The following PDXDC1 variants were observed in gnomAD, a reference collection of about 807,000 sequenced individuals.
The protein encoded by PDXDC1 is pyridoxal dependent decarboxylase domain containing 1.
Under a neutral mutation model 100.1 loss-of-function variants are expected in PDXDC1, and 42 were observed. That is an observed-to-expected ratio of 0.42 (90% confidence interval 0.33 to 0.54). The LOEUF is 0.54. PDXDC1 is among the 20% of genes least tolerant of loss of function. The pLI, the probability that PDXDC1 is intolerant of heterozygous loss-of-function variation, is 0.10. For synonymous variants in PDXDC1, 260 were observed against 371.7 expected, an observed-to-expected ratio of 0.70 and a Z score of 3.46; for missense variants, 636 against 979.2, an observed-to-expected ratio of 0.65 and a Z score of 4.68.
downstream of PDXDC1, among the ~76,000 whole-genome samples, chr16:15,143,667 G>C (rs2048509006): frequency 6.6e-6 from 1 of 152,216 alleles, no homozygotes; most frequent in Non-Finnish European, 1.5e-5. Flanking sequence ...TCCTGGGCCG[G>C]GGGAGCCGGG....
chr16:15,040,063 A>G, downstream of PDXDC1: 1 of 1,587,628 alleles, frequency 6.3e-7, no homozygotes, highest in Non-Finnish European at 8.6e-7. Flanking sequence ...CTTAATGTTG[A>G]CAGCTGTGAG....
At chr16:15,124,179 G>A (rs1239940423) in intron 16 of PDXDC1, among the ~76,000 whole-genome samples, 2 of 152,136 alleles carry the variant, frequency 1.3e-5, no homozygotes, top group African/African-American at 4.8e-5. Flanking sequence ...TGTGATGGGT[G>A]GGGAGCTCCA....
In PDXDC1 at chr16:15,136,135, G is replaced by A. The variant is rs1405834325; in HGVS notation, c.1400-2744G>A. ...GCCGATCCACACGTCTAGGCTCCTGGGGGCGGGTGTGGGATGCCAGGGGGC... is the reference window on the plus strand; with the variant it reads ...GCCGATCCACACGTCTAGGCTCCTGAGGGCGGGTGTGGGATGCCAGGGGGC... On this transcript the variant is annotated intron_variant, in intron 16 of 16. Transcript: ENST00000535621. 5 of 1,489,514 alleles carry A rather than the reference G, an allele frequency of 3.4e-6. No individual in the cohort carries two copies. The African/African-American group carries it at 4.1e-5, about 12-fold the overall frequency. 92.3% of individuals were successfully genotyped at this position (1,489,514 alleles called of 1,614,324 possible). A position where few individuals can be genotyped will look rare whatever the true frequency, so the allele number is the denominator to read the frequency against.
At chr16:15,135,883 G>T (rs570158264) in intron 16 of PDXDC1, 1 of 1,571,638 alleles carries the variant, frequency 6.4e-7, no homozygotes, top group Non-Finnish European at 8.7e-7. Context: ...CAAAGCAGTA[G>T]TGCCCCACAG....
chr16:15,025,427 C>CCCG (rs1331039091), intron 13 of PDXDC1: 2 of 152,664 alleles, frequency 1.3e-5, no homozygotes, highest in African/African-American at 4.8e-5. Flanking sequence ...CCCCCTGCCG[C>CCCG]CCGCCGCCGT....
the PDXDC1 span, among the ~76,000 whole-genome samples, chr16:15,149,972 G>A: frequency 3.3e-5 from 5 of 152,096 alleles, no homozygotes; most frequent in African/African-American, 9.7e-5. Flanking sequence ...AAGACACAGC[G>A]AGAAATCCAG....
downstream of PDXDC1, among the ~76,000 whole-genome samples, chr16:15,039,791 CATTACTATTTT>C (rs2043726415): frequency 6.6e-6 from 1 of 152,140 alleles, no homozygotes; most frequent in Non-Finnish European, 1.5e-5. Flanking sequence ...TAAAGATGTT[CATTACTATTTT>C]GAGACAGCAA....
intron 16 of PDXDC1, chr16:15,079,938 T>C: frequency 2.0e-6 from 3 of 1,481,912 alleles, no homozygotes; most frequent in East Asian, 2.4e-5. Context: ...TTCCACATAC[T>C]GTGATTATAA....
intron 16 of PDXDC1, among the ~76,000 whole-genome samples, chr16:15,030,897 C>T (rs1041229050): frequency 1.3e-5 from 2 of 152,036 alleles, no homozygotes; most frequent in African/African-American, 4.8e-5. Flanking sequence ...TTACACACAA[C>T]CAGTGGCCGC....
chr16:15,078,566 G>C (rs538131829), intron 16 of PDXDC1, among the ~76,000 whole-genome samples: 1 of 152,250 alleles, frequency 6.6e-6, no homozygotes, highest in South Asian at 2.1e-4. Flanking sequence ...AGCAGTATCT[G>C]ATGCTGCTGA....
intron 16 of PDXDC1, chr16:15,128,079 G>A (rs1488393616): frequency 1.2e-6 from 2 of 1,609,156 alleles, no homozygotes; most frequent in Non-Finnish European, 1.7e-6. Context: ...AAGGTGCTGT[G>A]TGCCGTCTGC....
intron 16 of PDXDC1, chr16:15,070,326 T>A: frequency 1.3e-6 from 2 of 1,526,842 alleles, no homozygotes; most frequent in Non-Finnish European, 1.8e-6. Context: ...AACACACAAC[T>A]GCCTTTCATT....
chr16:15,042,098 C>T (rs559598315), downstream of PDXDC1, among the ~76,000 whole-genome samples: 73 of 152,136 alleles, frequency 4.8e-4, no homozygotes, highest in African/African-American at 1.7e-3. Context: ...TTTTAATGTC[C>T]ATAATCCTAA....
chr16:15,135,210 C>G (rs188033734), intron 16 of PDXDC1: 1 of 787,108 alleles, frequency 1.3e-6, no homozygotes, highest in Admixed American at 2.3e-5. Flanking sequence ...CACTAAAACA[C>G]GGAAAACAGT....
At chr16:15,060,865 A>C (rs1380207038) in intron 16 of PDXDC1, 2 of 152,254 alleles carry the variant, frequency 1.3e-5, no homozygotes, top group African/African-American at 2.4e-5. Context: ...TAAGTGATGC[A>C]GATCAAAACT....
chr16:15,009,249 G>T, intron 7 of PDXDC1: 1 of 348,566 alleles, frequency 2.9e-6, no homozygotes, highest in Admixed American at 4.6e-5. Flanking sequence ...AGACATGCAG[G>T]TGATAAATCT....
At chr16:15,091,637 G>A (rs756997771) in intron 16 of PDXDC1, among the ~76,000 whole-genome samples, 3 of 151,908 alleles carry the variant, frequency 2.0e-5, no homozygotes, top group Non-Finnish European at 2.9e-5. Flanking sequence ...ATACTCCTGC[G>A]AATTCTCAAA....
chr16:15,065,828 A>AGG, intron 16 of PDXDC1, among the ~76,000 whole-genome samples: 1 of 152,336 alleles, frequency 6.6e-6, no homozygotes, highest in South Asian at 2.1e-4. Context: ...GACTTGCTGA[A>AGG]GAAGCACTGA....
intron 16 of PDXDC1, among the ~76,000 whole-genome samples, chr16:15,073,287 T>C (rs752454201): frequency 6.6e-6 from 1 of 152,104 alleles, no homozygotes; most frequent in Non-Finnish European, 1.5e-5. Flanking sequence ...AGGGAAGCTC[T>C]GTCTCTACAA....
Sources: gnomAD v4.1 joint callset for allele counts (sites outside exome capture counted in the v4.1 genomes callset) on GRCh38, gnomAD v4.1.1 for gene constraint, MANE v1.5 for transcripts, NCBI Gene and HGNC (gene_info 2026-07-23, HGNC 2026-07-21) for gene names.